Variants in CDIN1 observed in about 807,000 individuals in gnomAD.
CDIN1 encodes the protein CDAN1 interacting nuclease 1.
Under a neutral mutation model 45.3 loss-of-function variants are expected in CDIN1, and 33 were observed. The observed-to-expected ratio is 0.73, with a 90% confidence interval of 0.55 to 0.97. The LOEUF is 0.97. Among genes scored for constraint, CDIN1 ranks in the 50% least tolerant of loss-of-function variants. CDIN1 has a pLI of 0.00. For missense variants in CDIN1, 303 were observed against 339.4 expected (o/e 0.89, Z 0.84); for synonymous variants, 118 against 124.4 (o/e 0.95, Z 0.34).
intron 8 of CDIN1, among the ~76,000 whole-genome samples, chr15:36,703,387 AGATATATATATATAT>A (rs1414190972): frequency 2.3e-4 from 3 of 12,810 alleles, no homozygotes; most frequent in African/African-American, 8.3e-4. Context: ...TATATATATC[AGATATATATATATAT>A]GATATACATA....
intron 1 of CDIN1, among the ~76,000 whole-genome samples, chr15:36,606,329 T>C (rs1015206131): frequency 6.6e-6 from 1 of 152,150 alleles, no homozygotes; most frequent in Non-Finnish European, 1.5e-5. Flanking sequence ...TAAAGATGAC[T>C]GAAAGTCCGA....
chr15:36,806,479 T>C (rs981050677), intron 10 of CDIN1, among the ~76,000 whole-genome samples: 3 of 152,204 alleles, frequency 2.0e-5, no homozygotes. Context: ...TCACAGTTTT[T>C]TTCTTCCTTT....
chr15:36,805,006 G>T (rs1361790913), intron 10 of CDIN1, among the ~76,000 whole-genome samples: 1 of 151,834 alleles, frequency 6.6e-6, no homozygotes, highest in East Asian at 1.9e-4. Context: ...TTTATAAGGG[G>T]TCATTACTTA....
chr15:36,718,290 A>G (rs2043284926), intron 10 of CDIN1, among the ~76,000 whole-genome samples: 3 of 152,140 alleles, frequency 2.0e-5, no homozygotes, highest in Admixed American at 1.3e-4. Context: ...GAAAACAGAT[A>G]GTAGGTCCTC....
intron 5 of CDIN1, among the ~76,000 whole-genome samples, chr15:36,686,222 A>C (rs1439971960): frequency 6.6e-6 from 1 of 151,572 alleles, no homozygotes; most frequent in East Asian, 1.9e-4. Flanking sequence ...ATGGAATACT[A>C]TGCAGCCATA....
intron 10 of CDIN1, among the ~76,000 whole-genome samples, chr15:36,804,133 C>A (rs77356832): frequency 0.014 from 2,201 of 152,160 alleles, 54 homozygotes; most frequent in African/African-American, 0.05. Flanking sequence ...GTACCAACCT[C>A]ATGGAGTTGG....
intron 10 of CDIN1, among the ~76,000 whole-genome samples, chr15:36,732,488 T>A (rs946867359): frequency 2.0e-5 from 3 of 152,180 alleles, no homozygotes; most frequent in Non-Finnish European, 2.9e-5. Flanking sequence ...GGCATGACAA[T>A]GCCATTGTGG....
intron 10 of CDIN1, among the ~76,000 whole-genome samples, chr15:36,763,208 C>T (rs923980498): frequency 6.6e-6 from 1 of 152,172 alleles, no homozygotes; most frequent in African/African-American, 2.4e-5. Flanking sequence ...GATGGTATCT[C>T]GTTGTGGTTT....
At chr15:36,696,244 C>A (rs1016306833) in intron 7 of CDIN1, among the ~76,000 whole-genome samples, 1 of 152,160 alleles carries the variant, frequency 6.6e-6, no homozygotes, top group Non-Finnish European at 1.5e-5. Context: ...TACATGCATA[C>A]GCATACACAC....
intron 1 of CDIN1, among the ~76,000 whole-genome samples, chr15:36,624,832 A>G (rs948257232): frequency 2.6e-5 from 4 of 152,320 alleles, no homozygotes; most frequent in East Asian, 1.9e-4. Flanking sequence ...TACAATTTTT[A>G]TAAATTATAA....
chr15:36,610,936 G>A (rs1342180552), intron 1 of CDIN1, among the ~76,000 whole-genome samples: 3 of 152,192 alleles, frequency 2.0e-5, no homozygotes, highest in Non-Finnish European at 4.4e-5. Context: ...ATTTTCAGGT[G>A]TTATAGCATC....
intron 1 of CDIN1, among the ~76,000 whole-genome samples, chr15:36,620,127 G>A (rs1350687441): frequency 1.3e-5 from 2 of 152,006 alleles, no homozygotes; most frequent in Non-Finnish European, 1.5e-5. Context: ...CGAGGTGGGC[G>A]GATCACGAGG....
intron 10 of CDIN1, among the ~76,000 whole-genome samples, chr15:36,778,319 A>G (rs971637464): frequency 2.0e-5 from 3 of 152,134 alleles, no homozygotes; most frequent in Non-Finnish European, 4.4e-5. Flanking sequence ...AAAGTGGAGG[A>G]AAGTAGAGGG....
At chr15:36,795,371 T>TATCA (rs1304014985) in intron 10 of CDIN1, among the ~76,000 whole-genome samples, 1 of 152,226 alleles carries the variant, frequency 6.6e-6, no homozygotes, top group Non-Finnish European at 1.5e-5. Context: ...TTACACATTC[T>TATCA]ATCACATGTA....
At chr15:36,735,097 G>C (rs1248122432) in intron 10 of CDIN1, among the ~76,000 whole-genome samples, 1 of 152,166 alleles carries the variant, frequency 6.6e-6, no homozygotes, top group South Asian at 2.1e-4. Flanking sequence ...TCATTCAGTG[G>C]ATTGAATAAT....
chr15:36,694,750 A>G (rs926996152), intron 7 of CDIN1, among the ~76,000 whole-genome samples: 1 of 152,202 alleles, frequency 6.6e-6, no homozygotes, highest in Non-Finnish European at 1.5e-5. Context: ...AAGCAAGGAA[A>G]GGTAATGATG....
Position 36,657,870 on chromosome 15 carries a change from T to C in CDIN1, c.311T>C (p.Leu104Pro). Residue 104 changes from leucine (L) to proline (P), a missense_variant, in exon 5 of 11, where the codon CTG becomes CCG. Coordinates refer to ENST00000566621, the MANE Select transcript of CDIN1 (RefSeq NM_001321759.2). ...YAPSLMARLI[L>P]ERFLQEHEET... ...CCCTCATTAATGGCTCGGCTTATAC[T>C]GGAGAGGTTTCTACAGGAACACGAG... 1 of 1,612,160 alleles carries C rather than the reference T, an allele frequency of 6.2e-7. No homozygotes were observed. The highest frequency in any genetic ancestry group is 1.1e-5 in the South Asian group (1 of 90,674).
intron 1 of CDIN1, among the ~76,000 whole-genome samples, chr15:36,601,814 T>C (rs1015690926): frequency 1.3e-5 from 2 of 152,212 alleles, no homozygotes; most frequent in East Asian, 3.8e-4. Context: ...TTGTACTGCC[T>C]CCAGCATCAT....
intron 10 of CDIN1, among the ~76,000 whole-genome samples, chr15:36,792,983 CCT>C (rs2054686810): frequency 1.3e-5 from 2 of 152,216 alleles, no homozygotes; most frequent in East Asian, 1.9e-4. Flanking sequence ...TGAAAGTCCC[CCT>C]GATCTTTCTC....
Sources: gnomAD v4.1 joint callset for allele counts (sites outside exome capture counted in the v4.1 genomes callset) on GRCh38, gnomAD v4.1.1 for gene constraint, MANE v1.5 for transcripts, NCBI Gene and HGNC (gene_info 2026-07-23, HGNC 2026-07-21) for gene names.